Variants in LRBA observed in about 807,000 individuals in gnomAD.
The protein encoded by LRBA is lipopolysaccharide-responsive and beige-like anchor protein.
Under a neutral mutation model 330.0 loss-of-function variants are expected in LRBA, and 176 were observed. That is an observed-to-expected ratio of 0.53 (90% confidence interval 0.47 to 0.60). LRBA has a LOEUF of 0.60. Among genes scored for constraint, LRBA ranks in the 20% least tolerant of loss-of-function variants. The pLI, the probability that LRBA is intolerant of heterozygous loss-of-function variation, is 0.00. For missense variants in LRBA, 3,259 were observed against 3,444.8 expected, an observed-to-expected ratio of 0.95 and a Z score of 1.35; for synonymous variants, 1,230 against 1,193.0, an observed-to-expected ratio of 1.03 and a Z score of -0.64.
At chr4:150,515,000 A>G (rs1762192808) in intron 40 of LRBA, among the ~76,000 whole-genome samples, 1 of 152,176 alleles carries the variant, frequency 6.6e-6, no homozygotes, top group Admixed American at 6.5e-5. Flanking sequence ...GAAAAAAATT[A>G]TTCTAGGCCA....
rs1752914570 is a variant in LRBA, at chr4:150,448,634, T to C, written c.6781-11770A>G. On this transcript the variant is annotated intron_variant, in intron 44 of 56. Transcript: ENST00000651943. ...CTGGCCAACATGATGAAACCCCATC[T>C]CTAATAAAAATACAAAAATTAGCCA... Among the ~76,000 whole-genome samples the C allele has an allele frequency of 4.6e-5, 7 of 151,876 alleles. No homozygotes were observed. The South Asian group carries it at 1.5e-3, about 32-fold the overall frequency.
At chr4:150,863,589 G>A (rs1752254288) in intron 22 of LRBA, among the ~76,000 whole-genome samples, 1 of 152,172 alleles carries the variant, frequency 6.6e-6, no homozygotes, top group Non-Finnish European at 1.5e-5. Context: ...TTGAGCCTGG[G>A]AGGCGGAGTT....
At chr4:150,727,446 AGGAACAGACC>A (rs1266174303) in intron 36 of LRBA, among the ~76,000 whole-genome samples, 1 of 152,184 alleles carries the variant, frequency 6.6e-6, no homozygotes, top group African/African-American at 2.4e-5. Flanking sequence ...GGTCATTCTC[AGGAACAGACC>A]ATACGTTAGG....
At chr4:150,722,410 G>A (rs1389233079) in intron 36 of LRBA, among the ~76,000 whole-genome samples, 2 of 151,860 alleles carry the variant, frequency 1.3e-5, no homozygotes, top group Non-Finnish European at 2.9e-5. Flanking sequence ...GGAAAATGAA[G>A]AGTGAGTATT....
chr4:150,908,501 T>C (rs756099236), intron 10 of LRBA, 34 bp from the exon 11 acceptor site: 3 of 1,562,784 alleles, frequency 1.9e-6, no homozygotes, highest in South Asian at 1.2e-5. Flanking sequence ...AAGAGTTCAA[T>C]GATTTTTTTT....
chr4:150,684,166 T>C (rs1183004915), intron 36 of LRBA, among the ~76,000 whole-genome samples: 1 of 152,192 alleles, frequency 6.6e-6, no homozygotes, highest in African/African-American at 2.4e-5. Context: ...GAGGAAAGTT[T>C]TACGCAGTGA....
intron 36 of LRBA, among the ~76,000 whole-genome samples, chr4:150,722,651 T>A (rs1285930716): frequency 6.6e-6 from 1 of 152,048 alleles, no homozygotes; most frequent in Non-Finnish European, 1.5e-5. Flanking sequence ...CAGAGCACGA[T>A]GGCAGAATAG....
chr4:150,849,302 T>C (rs373544276), intron 25 of LRBA, 120 bp downstream of exon 25: 6 of 829,302 alleles, frequency 7.2e-6, no homozygotes, highest in South Asian at 3.5e-5. Context: ...TAAAAGATCC[T>C]ATTGTTTTTT....
Position 150,482,786 on chromosome 4 carries a change from T to TTATTC in LRBA, c.6551+4945_6551+4946insGAATA, listed in dbSNP as rs1757433602. On this transcript the variant is annotated intron_variant, in intron 42 of 56. Transcript: ENST00000651943. ...CATTTCTCAGATGACTAATGATGTTTGGCATCTTTTCATGTGTTTATTCGG... is the reference window on the plus strand; with the variant it reads ...CATTTCTCAGATGACTAATGATGTTTTATTCGGCATCTTTTCATGTGTTTATTCGG... 7.9e-5 allele frequency among the ~76,000 whole-genome samples: 12 copies of TTATTC among 152,240 alleles called. No homozygotes were observed. In the South Asian group the frequency reaches 2.5e-3, roughly 32 times the overall value.
chr4:150,300,297 A>C (rs1305342516), intron 53 of LRBA, among the ~76,000 whole-genome samples: 1 of 152,078 alleles, frequency 6.6e-6, no homozygotes, highest in African/African-American at 2.4e-5. Flanking sequence ...TAATTCAGTC[A>C]AGATACATTA....
chr4:150,877,802 T>C (rs1016509246), intron 17 of LRBA, among the ~76,000 whole-genome samples: 2 of 152,074 alleles, frequency 1.3e-5, no homozygotes, highest in Non-Finnish European at 2.9e-5. Flanking sequence ...TCTCAATAAA[T>C]TCAAAAAATT....
intron 47 of LRBA, among the ~76,000 whole-genome samples, chr4:150,409,231 A>G (rs1259788542): frequency 6.6e-6 from 1 of 152,112 alleles, no homozygotes; most frequent in Non-Finnish European, 1.5e-5. Flanking sequence ...GGGCTAGAAC[A>G]GGTCCTTCCC....
intron 13 of LRBA, among the ~76,000 whole-genome samples, chr4:150,901,072 C>T (rs1429543728): frequency 6.6e-6 from 1 of 152,044 alleles, no homozygotes; most frequent in East Asian, 1.9e-4. Context: ...CTGAGGCGGG[C>T]AGATCACTTG....
intron 47 of LRBA, among the ~76,000 whole-genome samples, chr4:150,353,796 A>G (rs1214497819): frequency 6.6e-6 from 1 of 152,182 alleles, no homozygotes; most frequent in African/African-American, 2.4e-5. Flanking sequence ...TGGCAAAATC[A>G]CTTCCAGAAG....
chr4:150,290,839 G>A (rs921892545), intron 53 of LRBA, among the ~76,000 whole-genome samples: 7 of 152,028 alleles, frequency 4.6e-5, no homozygotes, highest in African/African-American at 1.7e-4. Flanking sequence ...CTCTCAGTAC[G>A]TAATACTAGA....
chr4:150,648,570 C>G (rs1479922405), intron 37 of LRBA, among the ~76,000 whole-genome samples: 3 of 151,714 alleles, frequency 2.0e-5, no homozygotes, highest in Admixed American at 6.6e-5. Context: ...CCCCACATTT[C>G]TAAATTACCC....
intron 35 of LRBA, among the ~76,000 whole-genome samples, chr4:150,736,795 T>C (rs1178041929): frequency 6.6e-6 from 1 of 152,068 alleles, no homozygotes; most frequent in Non-Finnish European, 1.5e-5. Flanking sequence ...TAGGCAGTAA[T>C]AGTAAAACTA....
intron 35 of LRBA, among the ~76,000 whole-genome samples, chr4:150,736,292 A>G (rs1731171796): frequency 6.6e-6 from 1 of 152,230 alleles, no homozygotes; most frequent in Non-Finnish European, 1.5e-5. Context: ...TTCAGCATTC[A>G]GTCACCAATT....
At chr4:150,975,101 CA>C (rs1265862889) in intron 2 of LRBA, among the ~76,000 whole-genome samples, 1 of 151,954 alleles carries the variant, frequency 6.6e-6, no homozygotes, top group Non-Finnish European at 1.5e-5. Flanking sequence ...TACAAAAAAT[CA>C]AAAAACTATG....
Sources: allele counts gnomAD v4.1 joint callset (sites outside exome capture counted in the v4.1 genomes callset), GRCh38; gene constraint gnomAD v4.1.1; transcripts MANE v1.5; gene names NCBI Gene and HGNC (gene_info 2026-07-23, HGNC 2026-07-21).